The following IPMK variants were observed in gnomAD, a reference collection of about 807,000 sequenced individuals.
IPMK encodes the protein inositol 1,3,4,6-tetrakisphosphate 5-kinase.
A neutral mutation model predicts 45.8 loss-of-function variants in IPMK; 17 were observed. That is an observed-to-expected ratio of 0.37 (90% CI 0.25 to 0.56). The LOEUF (loss-of-function observed/expected upper bound fraction) is 0.56, where lower values mean the gene tolerates loss of function less well. Ranked by LOEUF, IPMK falls within the 20% of genes least tolerant of loss-of-function variation. IPMK has a pLI of 0.79. For synonymous variants in IPMK, 180 were observed against 184.3 expected, an observed-to-expected ratio of 0.98 and a Z score of 0.19; for missense variants, 399 against 498.0, an observed-to-expected ratio of 0.80 and a Z score of 1.89.
chr10:58,259,460 T>TAATG (rs138646652), intron 1 of IPMK, among the ~76,000 whole-genome samples: 1,583 of 149,822 alleles, frequency 0.011, 10 homozygotes, highest in African/African-American at 0.012. Flanking sequence ...TCCACCTTAA[T>TAATG]AATGAATGAA....
chr10:58,233,144 AC>A (rs1658836004), intron 2 of IPMK, among the ~76,000 whole-genome samples: 1 of 152,204 alleles, frequency 6.6e-6, no homozygotes, highest in Non-Finnish European at 1.5e-5. Context: ...CTCTGAATAG[AC>A]CAATAACAGG....
intron 1 of IPMK, among the ~76,000 whole-genome samples, chr10:58,241,133 C>G (rs1424955994): frequency 6.6e-6 from 1 of 152,110 alleles, no homozygotes; most frequent in African/African-American, 2.4e-5. Context: ...TCTCCTACTG[C>G]TGGGGGTGGG....
At chr10:58,207,874 CT>C (rs1158156848) in intron 4 of IPMK, among the ~76,000 whole-genome samples, 5 of 152,072 alleles carry the variant, frequency 3.3e-5, no homozygotes, top group Non-Finnish European at 7.4e-5. Context: ...TTTTAGATTT[CT>C]TTAGGAAGAC....
At chr10:58,259,587 C>G (rs1479826339) in intron 1 of IPMK, among the ~76,000 whole-genome samples, 1 of 149,114 alleles carries the variant, frequency 6.7e-6, no homozygotes, top group East Asian at 2.0e-4. Flanking sequence ...AATGCCAGCA[C>G]TTTGAGAGTC....
At chr10:58,267,400 G>A in intron 1 of IPMK, 22 bp downstream of exon 1, 1 of 1,610,964 alleles carries the variant, frequency 6.2e-7, no homozygotes, top group Non-Finnish European at 8.5e-7. Flanking sequence ...GGAGCGGCGA[G>A]ACCTATGCCA....
chr10:58,242,827 G>A (rs1010937782), intron 1 of IPMK, among the ~76,000 whole-genome samples: 2 of 152,112 alleles, frequency 1.3e-5, no homozygotes, highest in Non-Finnish European at 2.9e-5. Flanking sequence ...TTGGGGGAGG[G>A]ACTTGGTGGG....
At chr10:58,249,041 T>C (rs1838845314) in intron 1 of IPMK, among the ~76,000 whole-genome samples, 1 of 152,256 alleles carries the variant, frequency 6.6e-6, no homozygotes, top group African/African-American at 2.4e-5. Flanking sequence ...TTTGGATATA[T>C]ATTCAGAAGC....
intron 2 of IPMK, among the ~76,000 whole-genome samples, chr10:58,229,621 T>C (rs1371265833): frequency 7.6e-6 from 1 of 132,004 alleles, no homozygotes; most frequent in Non-Finnish European, 1.6e-5. Flanking sequence ...ACAAATAAAA[T>C]AAAAATCTGA....
chr10:58,232,281 G>A (rs535417757), intron 2 of IPMK, among the ~76,000 whole-genome samples: 61 of 152,294 alleles, frequency 4.0e-4, no homozygotes, highest in African/African-American at 1.5e-3. Context: ...CAACGAGACA[G>A]AAGGTTAATA....
rs1359701913 is a variant in IPMK, at chr10:58,210,245, G to GCAGTTGGC, written c.546+5892_546+5899dup. ...GCGAAGGGACTCACCCAGCTCCCAC[G>GCAGTTGGC]CAGTTGGCGAGGCTGGTGTTGCTCC... On this transcript the variant is annotated intron_variant, in intron 4 of 5. Transcript: ENST00000373935. Among the ~76,000 whole-genome samples the GCAGTTGGC allele has an allele frequency of 6.6e-4, 100 of 152,128 alleles. 1 individual carries two copies. Among genetic ancestry groups the GCAGTTGGC allele is most frequent in the African/African-American group, 2.4e-3 (98 of 41,422 alleles).
At chr10:58,248,066 C>T (rs1397451479) in intron 1 of IPMK, among the ~76,000 whole-genome samples, 1 of 151,992 alleles carries the variant, frequency 6.6e-6, no homozygotes, top group Non-Finnish European at 1.5e-5. Context: ...TGCACATGCT[C>T]CTTGTGAAAA....
chr10:58,243,486 C>T (rs1838730173), intron 1 of IPMK, among the ~76,000 whole-genome samples: 2 of 152,344 alleles, frequency 1.3e-5, no homozygotes, highest in South Asian at 2.1e-4. Context: ...TCTCCTGCCT[C>T]GGCCTGCCGA....
chr10:58,258,215 CAGG>C (rs1454474427), intron 1 of IPMK, among the ~76,000 whole-genome samples: 1 of 152,090 alleles, frequency 6.6e-6, no homozygotes, highest in African/African-American at 2.4e-5. Context: ...GAGGCTGAGG[CAGG>C]AGAATTGCTT....
intron 4 of IPMK, 94 bp from the exon 5 acceptor site, chr10:58,199,415 C>T (rs1328815046): frequency 1.1e-5 from 7 of 657,314 alleles, no homozygotes; most frequent in Non-Finnish European, 1.7e-5. Context: ...GAAATCTACT[C>T]AGGTAATTCA....
intron 5 of IPMK, among the ~76,000 whole-genome samples, chr10:58,198,885 C>G (rs1242916545): frequency 3.3e-5 from 5 of 152,078 alleles, no homozygotes; most frequent in African/African-American, 1.2e-4. Context: ...TCTTATGTAA[C>G]AAGCAGTTTT....
chr10:58,201,675 G>A (rs180954411), intron 4 of IPMK, among the ~76,000 whole-genome samples: 25 of 152,164 alleles, frequency 1.6e-4, no homozygotes, highest in Middle Eastern at 3.4e-3. Flanking sequence ...GAAATGTCAC[G>A]TCTCTCACTT....
At chr10:58,225,590 G>C (rs1028015275) in intron 3 of IPMK, among the ~76,000 whole-genome samples, 28 of 152,128 alleles carry the variant, frequency 1.8e-4, no homozygotes, top group African/African-American at 6.0e-4. Context: ...TGCTGTATTT[G>C]CTAGTTATTC....
intron 1 of IPMK, among the ~76,000 whole-genome samples, chr10:58,247,446 A>C (rs939804394): frequency 1.3e-5 from 2 of 151,540 alleles, no homozygotes; most frequent in African/African-American, 4.9e-5. Context: ...AAAATGTGGC[A>C]CATATACACC....
intron 1 of IPMK, among the ~76,000 whole-genome samples, chr10:58,244,286 G>A (rs1384576051): frequency 1.8e-5 from 2 of 110,598 alleles, no homozygotes; most frequent in African/African-American, 3.8e-5. Context: ...CAGCCGCCCC[G>A]TCGGGGAAGT....
Sources: gnomAD v4.1 joint callset for allele counts (sites outside exome capture counted in the v4.1 genomes callset) on GRCh38, gnomAD v4.1.1 for gene constraint, MANE v1.5 for transcripts, NCBI Gene and HGNC (gene_info 2026-07-23, HGNC 2026-07-21) for gene names.